Variants in GRK5 observed in about 807,000 individuals in gnomAD.
The protein encoded by GRK5 is G protein-coupled receptor kinase 5, also known as g protein-coupled receptor kinase GRK5.
A neutral mutation model predicts 78.4 loss-of-function variants in GRK5; 40 were observed. The observed-to-expected ratio is 0.51, with a 90% confidence interval of 0.40 to 0.66. GRK5 has a LOEUF of 0.66. Ranked by LOEUF, GRK5 falls within the 30% of genes least tolerant of loss-of-function variation. The pLI is 0.00. For missense variants in GRK5, 598 were observed against 759.9 expected, an observed-to-expected ratio of 0.79 and a Z score of 2.50; for synonymous variants, 289 against 296.8, an observed-to-expected ratio of 0.97 and a Z score of 0.27.
chr10:119,384,060 C>T (rs1352040260), intron 3 of GRK5, among the ~76,000 whole-genome samples: 1 of 152,190 alleles, frequency 6.6e-6, no homozygotes, highest in Non-Finnish European at 1.5e-5. Context: ...TCACCGTTGG[C>T]CTTCCCGGAG....
intron 4 of GRK5, among the ~76,000 whole-genome samples, chr10:119,405,091 A>T (rs976057010): frequency 6.6e-6 from 1 of 152,188 alleles, no homozygotes; most frequent in African/African-American, 2.4e-5. Flanking sequence ...GGGGGGTGCC[A>T]GTTTTGATGT....
chr10:119,222,639 G>A (rs1241620156), intron 1 of GRK5, among the ~76,000 whole-genome samples: 2 of 152,026 alleles, frequency 1.3e-5, no homozygotes, highest in African/African-American at 4.8e-5. Context: ...CTTGGCATGA[G>A]GGCATAGTCC....
rs1379178359 is a variant in GRK5 at position 119,379,993 on chromosome 10, T to A, written c.149-822T>A. On this transcript the variant is annotated intron_variant, in intron 2 of 15. Coordinates refer to ENST00000392870, the MANE Select transcript of GRK5 (RefSeq NM_005308.3). The surrounding 1 kb of genome is among the most constrained non-coding windows in gnomAD (Gnocchi z 4.1). ...TATTGAGTGGGTAAGCGCGGGTGAC[T>A]TCCTGTCTCTGTGCCTTTAGTGCCT... Among the ~76,000 whole-genome samples the A allele has an allele frequency of 1.3e-5, 2 of 152,162 alleles. No homozygotes were observed. The highest frequency in any genetic ancestry group is 4.8e-5 in the African/African-American group (2 of 41,418).
intron 1 of GRK5, among the ~76,000 whole-genome samples, chr10:119,306,016 G>C (rs911592910): frequency 6.6e-6 from 1 of 152,174 alleles, no homozygotes; most frequent in Non-Finnish European, 1.5e-5. Context: ...AAGGCTCCGT[G>C]TTGAGCCCTT....
At chr10:119,447,048 C>T (rs1853164739) in intron 12 of GRK5, among the ~76,000 whole-genome samples, 1 of 152,246 alleles carries the variant, frequency 6.6e-6, no homozygotes, top group South Asian at 2.1e-4. Flanking sequence ...CTCAGTAAGG[C>T]AGAGGAGAAG....
chr10:119,246,267 A>G (rs1849111419), intron 1 of GRK5, among the ~76,000 whole-genome samples: 1 of 152,148 alleles, frequency 6.6e-6, no homozygotes, highest in Non-Finnish European at 1.5e-5. Context: ...GATTACTTAT[A>G]ATACCTCATA....
chr10:119,326,318 C>T (rs927645496), intron 1 of GRK5, among the ~76,000 whole-genome samples, 198 bp from the exon 2 acceptor site: 3 of 152,272 alleles, frequency 2.0e-5, no homozygotes, highest in African/African-American at 4.8e-5. Flanking sequence ...CAGGACTGTG[C>T]GGGATACTGG....
chr10:119,334,098 C>T (rs1451737620), intron 2 of GRK5, among the ~76,000 whole-genome samples: 1 of 152,166 alleles, frequency 6.6e-6, no homozygotes, highest in African/African-American at 2.4e-5. Context: ...GCCATGAGCA[C>T]TGAGACAGAT....
intron 2 of GRK5, among the ~76,000 whole-genome samples, chr10:119,376,705 C>G (rs1475287683): frequency 6.6e-6 from 1 of 151,952 alleles, no homozygotes; most frequent in Non-Finnish European, 1.5e-5. Flanking sequence ...GCTGGGATTA[C>G]AGGTGCCTGC....
At chr10:119,257,744 A>C (rs965153267) in intron 1 of GRK5, among the ~76,000 whole-genome samples, 15 of 151,646 alleles carry the variant, frequency 9.9e-5, no homozygotes, top group African/African-American at 3.2e-4. Context: ...AACAACCCCC[A>C]AAAAAGTGCT....
chr10:119,434,596 C>T (rs926602156), intron 8 of GRK5, among the ~76,000 whole-genome samples: 1 of 152,264 alleles, frequency 6.6e-6, no homozygotes, highest in South Asian at 2.1e-4. Flanking sequence ...GATGCCAAGA[C>T]GTGGGTTCCC....
intron 2 of GRK5, among the ~76,000 whole-genome samples, chr10:119,360,383 G>A (rs1851340685): frequency 6.6e-6 from 1 of 152,226 alleles, no homozygotes; most frequent in Admixed American, 6.5e-5. Flanking sequence ...GGCGCTTAGT[G>A]GGTGGCTTCT....
chr10:119,362,775 C>T lies in GRK5; in HGVS notation c.149-18040C>T, dbSNP rs147829892. Reference sequence around the variant, plus strand: ...TAGCCCCATGGGTCAGACTGAAGATCAGGTGGGTACATTGTGTTTGAAGCA... The same window carrying T: ...TAGCCCCATGGGTCAGACTGAAGATTAGGTGGGTACATTGTGTTTGAAGCA... On this transcript the variant is annotated intron_variant, in intron 2 of 15. Coordinates refer to ENST00000392870, the MANE Select transcript of GRK5 (RefSeq NM_005308.3). 3.0e-3 allele frequency among the ~76,000 whole-genome samples: 459 copies of T among 152,326 alleles called. 1 individual carries two copies. The highest frequency in any genetic ancestry group is 5.2e-3 in the Non-Finnish European group (353 of 68,036).
At chr10:119,287,722 G>A (rs552921982) in intron 1 of GRK5, among the ~76,000 whole-genome samples, 14 of 152,134 alleles carry the variant, frequency 9.2e-5, no homozygotes, top group Non-Finnish European at 1.8e-4. Flanking sequence ...CCACACTGCT[G>A]TCCACACCTC....
rs1023128204 is a variant in GRK5 at position 119,379,175 on chromosome 10, G to A, written c.149-1640G>A. On this transcript the variant is annotated intron_variant, in intron 2 of 15. Coordinates refer to ENST00000392870, the MANE Select transcript of GRK5 (RefSeq NM_005308.3). The surrounding 1 kb of genome is among the most constrained non-coding windows in gnomAD (Gnocchi z 4.1). Reference sequence around the variant, plus strand: ...GGGGTTTATTAATGTGCCAGCATCTGGTCTGAGTGGTTTCTATGTATTGTC... The same window carrying A: ...GGGGTTTATTAATGTGCCAGCATCTAGTCTGAGTGGTTTCTATGTATTGTC... Among the ~76,000 whole-genome samples the A allele has an allele frequency of 6.6e-6, 1 of 152,212 alleles. No individual in the cohort carries two copies. Among genetic ancestry groups the A allele is most frequent in the African/African-American group, 2.4e-5 (1 of 41,462 alleles).
At chr10:119,221,212 C>A (rs1286474157) in intron 1 of GRK5, among the ~76,000 whole-genome samples, 1 of 152,042 alleles carries the variant, frequency 6.6e-6, no homozygotes, top group Admixed American at 6.6e-5. Flanking sequence ...TCTTCCCATG[C>A]ACCCCTGCTA....
intron 13 of GRK5, among the ~76,000 whole-genome samples, chr10:119,448,936 G>A (rs1853216196): frequency 6.6e-6 from 1 of 152,234 alleles, no homozygotes; most frequent in African/African-American, 2.4e-5. Context: ...ATCTGTGCGG[G>A]ATACGTGCTG....
chr10:119,434,097 C>T (rs150824823), intron 8 of GRK5, among the ~76,000 whole-genome samples: 4 of 152,264 alleles, frequency 2.6e-5, no homozygotes, highest in African/African-American at 7.2e-5. Flanking sequence ...ACTATGAGAA[C>T]AGTATAGGAG....
intron 2 of GRK5, among the ~76,000 whole-genome samples, chr10:119,343,047 G>C (rs769584764): frequency 6.6e-6 from 1 of 152,190 alleles, no homozygotes; most frequent in East Asian, 1.9e-4. Flanking sequence ...CCAGTGTGGG[G>C]CTGGGGGAGG....
Sources: allele counts gnomAD v4.1 joint callset (sites outside exome capture counted in the v4.1 genomes callset), GRCh38; gene constraint gnomAD v4.1.1; non-coding constraint Gnocchi (gnomAD v3.1); transcripts MANE v1.5; gene names NCBI Gene and HGNC (gene_info 2026-07-23, HGNC 2026-07-21).